The following NBEA variants were observed in gnomAD, a reference collection of about 807,000 sequenced individuals.
The protein encoded by NBEA is lysosomal-trafficking regulator 2.
NBEA carries 44 observed loss-of-function variants against 343.4 expected under a neutral mutation model. The ratio of observed to expected loss-of-function variants is 0.13; its 90% CI spans 0.10 to 0.16. The LOEUF is 0.16. Among genes scored for constraint, NBEA ranks in the 10% least tolerant of loss-of-function variants. The probability of loss-of-function intolerance (pLI) is 1.00; values close to 1 mark genes in which losing one functional copy is unlikely to be tolerated. For missense variants in NBEA, 2,555 were observed against 3,631.3 expected, an observed-to-expected ratio of 0.70 and a Z score of 7.62; for synonymous variants, 1,175 against 1,238.7, an observed-to-expected ratio of 0.95 and a Z score of 1.08.
At chr13:35,646,445 C>CT (rs2084238128) in intron 51 of NBEA, 97 bp downstream of exon 51, 2 of 870,536 alleles carry the variant, frequency 2.3e-6, no homozygotes, top group Non-Finnish European at 3.7e-6. Context: ...TTTTAAAAGG[C>CT]TTCTCGATTT....
intron 16 of NBEA, among the ~76,000 whole-genome samples, chr13:35,120,120 T>G (rs762904308): frequency 3.9e-5 from 6 of 152,220 alleles, no homozygotes; most frequent in Non-Finnish European, 8.8e-5. Context: ...ACATTACTCT[T>G]GTAGAAGATA....
chr13:35,149,637 A>AT (rs1257250692), intron 18 of NBEA, among the ~76,000 whole-genome samples: 2 of 152,048 alleles, frequency 1.3e-5, no homozygotes, highest in Non-Finnish European at 2.9e-5. Context: ...TTATGTTTTG[A>AT]TTTTTTGGAC....
intron 1 of NBEA, among the ~76,000 whole-genome samples, chr13:35,011,492 A>G (rs183128141): frequency 1.1e-4 from 17 of 152,354 alleles, no homozygotes; most frequent in Admixed American, 7.8e-4. Context: ...AGTAAAAACA[A>G]GTGTTTGATA....
chr13:35,014,988 G>T (rs2152536546), intron 1 of NBEA, among the ~76,000 whole-genome samples: 2 of 151,662 alleles, frequency 1.3e-5, no homozygotes, highest in South Asian at 4.2e-4. Flanking sequence ...GGGAGGGGTT[G>T]GTGTCACTCA....
chr13:35,618,385 C>T (rs1396967422), intron 48 of NBEA, among the ~76,000 whole-genome samples: 3 of 152,164 alleles, frequency 2.0e-5, no homozygotes, highest in Non-Finnish European at 4.4e-5. Flanking sequence ...GCATTTGTAG[C>T]AGACTTTACA....
At chr13:34,992,409 C>T (rs2060793562) in intron 1 of NBEA, among the ~76,000 whole-genome samples, 1 of 151,254 alleles carries the variant, frequency 6.6e-6, no homozygotes, top group African/African-American at 2.4e-5. Context: ...CACATGCCAC[C>T]ATGCCTGGCT....
chr13:35,268,369 T>A (rs957761942), intron 34 of NBEA, among the ~76,000 whole-genome samples: 2 of 151,962 alleles, frequency 1.3e-5, no homozygotes, highest in African/African-American at 4.8e-5. Flanking sequence ...AATGGGGAGT[T>A]ACTGTTTAAT....
chr13:35,326,473 T>C (rs1171629043), intron 36 of NBEA, among the ~76,000 whole-genome samples: 1 of 152,132 alleles, frequency 6.6e-6, no homozygotes, highest in Non-Finnish European at 1.5e-5. Flanking sequence ...TACTGATTTT[T>C]ATATATTGAT....
chr13:35,283,495 TTAAAA>T (rs1486872941), intron 34 of NBEA, among the ~76,000 whole-genome samples: 3 of 152,264 alleles, frequency 2.0e-5, no homozygotes, highest in African/African-American at 7.2e-5. Flanking sequence ...GAAATTGCAA[TTAAAA>T]TTAATAATAT....
intron 34 of NBEA, among the ~76,000 whole-genome samples, chr13:35,278,537 T>G (rs2034807907): frequency 6.6e-6 from 1 of 152,254 alleles, no homozygotes; most frequent in African/African-American, 2.4e-5. Flanking sequence ...ATCTTTATGC[T>G]ACCGCCAAAT....
At chr13:35,379,145 A>G (rs145453794) in intron 38 of NBEA, among the ~76,000 whole-genome samples, 20 of 152,114 alleles carry the variant, frequency 1.3e-4, no homozygotes, top group East Asian at 7.7e-4. Context: ...TTGCTGAGTC[A>G]TAGTGTAGAC....
chr13:35,370,910 GTT>G (rs35375856), intron 38 of NBEA, among the ~76,000 whole-genome samples: 7 of 150,914 alleles, frequency 4.6e-5, no homozygotes, highest in Admixed American at 2.0e-4. Context: ...TCAGTTGGCA[GTT>G]TTTTTTTTCT....
chr13:35,017,890 A>C (rs1232387623), intron 1 of NBEA, among the ~76,000 whole-genome samples: 2 of 152,132 alleles, frequency 1.3e-5, no homozygotes, highest in African/African-American at 2.4e-5. Flanking sequence ...GAGGTTTTGC[A>C]GATTTAACCC....
intron 33 of NBEA, among the ~76,000 whole-genome samples, chr13:35,230,886 T>A (rs1441425458): frequency 6.6e-6 from 1 of 152,048 alleles, no homozygotes; most frequent in African/African-American, 2.4e-5. Context: ...ACAGACCTGC[T>A]GAATCAGAGA....
chr13:35,520,138 G>A (rs564454397), intron 41 of NBEA, among the ~76,000 whole-genome samples: 9 of 152,236 alleles, frequency 5.9e-5, no homozygotes, highest in South Asian at 2.1e-4. Flanking sequence ...CCTCACATGC[G>A]CAGTTCACAA....
chr13:35,308,506 A>ATATG lies in NBEA; in HGVS notation c.5839-1019_5839-1018insGTAT, dbSNP rs2037100599. On this transcript the variant is annotated intron_variant, in intron 35 of 58. Transcript: ENST00000379939. Reference sequence around the variant, plus strand: ...TATATGTGTATATATATGTGTATATATATATGTGTATATATGTATATATAT... The same window carrying ATATG: ...TATATGTGTATATATATGTGTATATATATGTATATGTGTATATATGTATATATAT... Among the ~76,000 whole-genome samples the ATATG allele has an allele frequency of 4.6e-5, 6 of 129,650 alleles. No homozygotes were observed. The South Asian group carries it at 1.4e-3, about 30-fold the overall frequency. 85.1% of individuals were successfully genotyped at this position (129,650 alleles called of 152,430 possible). A position where few individuals can be genotyped will look rare whatever the true frequency, so the allele number is the denominator to read the frequency against.
chr13:35,020,674 C>T (rs1320043719), intron 1 of NBEA, among the ~76,000 whole-genome samples: 3 of 152,158 alleles, frequency 2.0e-5, no homozygotes, highest in African/African-American at 7.2e-5. Flanking sequence ...CGTGCCACCA[C>T]ACCCAGCTAA....
intron 1 of NBEA, among the ~76,000 whole-genome samples, chr13:34,999,606 T>TA (rs79498400): frequency 3.3e-5 from 5 of 152,112 alleles, no homozygotes; most frequent in East Asian, 1.9e-4. Flanking sequence ...TGATTTTTTT[T>TA]AAAAAAATAA....
chr13:35,410,856 G>A (rs2043540421), intron 38 of NBEA, among the ~76,000 whole-genome samples: 1 of 152,146 alleles, frequency 6.6e-6, no homozygotes, highest in African/African-American at 2.4e-5. Context: ...TTGATAAGGG[G>A]AATGAGCAGG....
Sources: allele counts gnomAD v4.1 joint callset (sites outside exome capture counted in the v4.1 genomes callset), GRCh38; gene constraint gnomAD v4.1.1; transcripts MANE v1.5; gene names NCBI Gene and HGNC (gene_info 2026-07-23, HGNC 2026-07-21).